Variants in RNF13 observed in about 807,000 individuals in gnomAD.
RNF13 encodes the protein ring finger protein 13.
A neutral mutation model predicts 37.7 loss-of-function variants in RNF13; 19 were observed. The observed-to-expected ratio is 0.50, with a 90% CI of 0.35 to 0.74. RNF13 has a LOEUF of 0.74. Ranked by LOEUF, RNF13 falls within the 30% of genes least tolerant of loss-of-function variation. The pLI, the probability that RNF13 is intolerant of heterozygous loss-of-function variation, is 0.01. For missense variants in RNF13, 375 were observed against 453.0 expected (o/e 0.83, Z 1.56); for synonymous variants, 144 against 157.8 (o/e 0.91, Z 0.65).
chr3:149,894,618 T>C (rs1168315296), intron 4 of RNF13, among the ~76,000 whole-genome samples: 1 of 152,168 alleles, frequency 6.6e-6, no homozygotes, highest in Non-Finnish European at 1.5e-5. Flanking sequence ...GTAATGTATT[T>C]CAAGAGTTTC....
intron 7 of RNF13, among the ~76,000 whole-genome samples, chr3:149,919,386 T>C (rs1211520465): frequency 1.3e-5 from 2 of 152,146 alleles, no homozygotes. Flanking sequence ...CTTCCAACTT[T>C]TCCTTCATCC....
intron 8 of RNF13, among the ~76,000 whole-genome samples, chr3:149,954,435 A>C (rs1187562153): frequency 6.6e-6 from 1 of 152,156 alleles, no homozygotes; most frequent in African/African-American, 2.4e-5. Context: ...ACCTGCAAAA[A>C]AACAAAAAAG....
intron 4 of RNF13, among the ~76,000 whole-genome samples, chr3:149,874,941 C>T (rs1190903429): frequency 1.3e-5 from 2 of 151,960 alleles, no homozygotes; most frequent in African/African-American, 4.8e-5. Context: ...TAATGAGCTT[C>T]CAAAATGGTT....
intron 8 of RNF13, among the ~76,000 whole-genome samples, chr3:149,932,390 A>C (rs2219386): frequency 1.3e-5 from 2 of 152,080 alleles, no homozygotes; most frequent in African/African-American, 4.8e-5. Flanking sequence ...GTAGTATCCA[A>C]AGTCTTAACT....
intron 8 of RNF13, among the ~76,000 whole-genome samples, chr3:149,925,733 T>A (rs1489056728): frequency 5.9e-5 from 9 of 152,198 alleles, no homozygotes. Context: ...TACCTAGAAG[T>A]AGATTAATTT....
At position 149,929,349 on chromosome 3, in the gene RNF13, C is replaced by T. The variant is rs956413770; in HGVS notation, c.700+8122C>T. On this transcript the variant is annotated intron_variant, in intron 8 of 9. Transcript: ENST00000392894. ...GTGAGACTCACTATCATGACAATAG[C>T]GTGGGGGAAACTGCCCCCATGATCC... Among the ~76,000 whole-genome samples the T allele has an allele frequency of 3.3e-5, 5 of 152,138 alleles. No individual in the cohort carries two copies. The East Asian group carries it at 7.8e-4, about 24-fold the overall frequency.
chr3:149,885,540 T>A, intron 4 of RNF13, among the ~76,000 whole-genome samples: 1 of 152,218 alleles, frequency 6.6e-6, no homozygotes, highest in East Asian at 1.9e-4. Flanking sequence ...TTTTGAGAAA[T>A]GTCTATTCAA....
chr3:149,918,900 A>G (rs559235835), intron 7 of RNF13, among the ~76,000 whole-genome samples: 1 of 152,106 alleles, frequency 6.6e-6, no homozygotes, highest in South Asian at 2.1e-4. Context: ...TCTTGTAAAT[A>G]GCATATGATC....
At chr3:149,881,024 A>G (rs1364750452) in intron 4 of RNF13, among the ~76,000 whole-genome samples, 2 of 152,190 alleles carry the variant, frequency 1.3e-5, no homozygotes, top group Admixed American at 6.5e-5. Context: ...TACGATAATA[A>G]CTTGGTATAT....
At chr3:149,908,867 C>T (rs1298164663) in intron 6 of RNF13, among the ~76,000 whole-genome samples, 1 of 152,110 alleles carries the variant, frequency 6.6e-6, no homozygotes, top group Non-Finnish European at 1.5e-5. Context: ...GCCTAGGCAG[C>T]TGGTTTGAAA....
intron 1 of RNF13, among the ~76,000 whole-genome samples, chr3:149,831,667 T>A: frequency 6.6e-6 from 1 of 152,146 alleles, no homozygotes; most frequent in East Asian, 1.9e-4. Flanking sequence ...AATGCTGAAA[T>A]GAATTAAGAC....
intron 3 of RNF13, among the ~76,000 whole-genome samples, chr3:149,858,257 A>C (rs1267877148): frequency 6.6e-6 from 1 of 152,228 alleles, no homozygotes; most frequent in Non-Finnish European, 1.5e-5. Flanking sequence ...TTATAGAAAC[A>C]CAAAATAGAC....
In RNF13 at chr3:149,833,120, T is replaced by C. The variant is rs531056187; in HGVS notation, c.-16-12891T>C. Among the ~76,000 whole-genome samples, 69 of 135,010 alleles carry C rather than the reference T, an allele frequency of 5.1e-4. No individual in the cohort carries two copies. The South Asian group carries it at 9.1e-3, about 18-fold the overall frequency. The allele number at this position is 135,010 out of a possible 152,430, so 88.6% of individuals were successfully genotyped here. ...AACTTATCGTTCTCTCTCTCTCTCT[T>C]TTTTTTTTTTTTTTTTTGAGATGGA... On this transcript the variant is annotated intron_variant, in intron 1 of 9. Coordinates refer to ENST00000392894, the MANE Select transcript of RNF13 (RefSeq NM_183381.3).
chr3:149,919,866 G>A (rs1325557984), intron 7 of RNF13, among the ~76,000 whole-genome samples: 1 of 152,206 alleles, frequency 6.6e-6, no homozygotes, highest in Non-Finnish European at 1.5e-5. Context: ...ACCAGAAAGT[G>A]TATGAGAGTG....
Position 149,868,698 on chromosome 3 carries a change from A to G in RNF13, c.196-3331A>G, listed in dbSNP as rs377038679. Among the ~76,000 whole-genome samples the G allele has an allele frequency of 2.3e-4, 34 of 148,518 alleles. 2 individuals are homozygous for G. Among genetic ancestry groups the G allele is most frequent in the African/African-American group, 7.7e-4 (31 of 40,276 alleles). The stretch of plus-strand genomic sequence containing the variant: ...CCCTCCTGGCTTGTATTGTTTTTCA[A>G]TGAAAAGTCTGTTGCCAGATGAATT... On this transcript the variant is annotated intron_variant, in intron 3 of 9. Coordinates refer to ENST00000392894, the MANE Select transcript of RNF13 (RefSeq NM_183381.3).
intron 1 of RNF13, chr3:149,813,879 T>G (rs1553747235): frequency 6.6e-6 from 1 of 152,224 alleles, no homozygotes; most frequent in Non-Finnish European, 1.5e-5. Flanking sequence ...TCTGCCTGTA[T>G]GCTTGACTTG....
chr3:149,948,507 A>C (rs566138444), intron 8 of RNF13, among the ~76,000 whole-genome samples: 2 of 152,170 alleles, frequency 1.3e-5, no homozygotes, highest in East Asian at 3.9e-4. Flanking sequence ...TATTCTACAG[A>C]TATCTTCCTT....
In RNF13 at chr3:149,914,827, A is replaced by G. The variant is rs560183220; in HGVS notation, c.606+2744A>G. Among the ~76,000 whole-genome samples the G allele has an allele frequency of 1.3e-3, 191 of 152,000 alleles. 1 individual carries two copies. The highest frequency in any genetic ancestry group is 4.5e-3 in the African/African-American group (185 of 41,462). On this transcript the variant is annotated intron_variant, in intron 7 of 9. Transcript: ENST00000392894. ...GTGGCAGGCGTCTATAATCCCAGCT[A>G]CTCGGGAGGCTGAGGCAGGAGAATC...
At chr3:149,862,330 C>G (rs1724343831) in intron 3 of RNF13, among the ~76,000 whole-genome samples, 1 of 152,010 alleles carries the variant, frequency 6.6e-6, no homozygotes, top group Admixed American at 6.6e-5. Context: ...TAATATTTTA[C>G]TATTTTTTTG....
Sources: allele counts gnomAD v4.1 joint callset (sites outside exome capture counted in the v4.1 genomes callset), GRCh38; gene constraint gnomAD v4.1.1; transcripts MANE v1.5; gene names NCBI Gene and HGNC (gene_info 2026-07-23, HGNC 2026-07-21).